Variants in DYNC1I1 observed in about 807,000 individuals in gnomAD.
The protein encoded by DYNC1I1 is cytoplasmic dynein 1 intermediate chain 1.
A neutral mutation model predicts 86.6 loss-of-function variants in DYNC1I1; 43 were observed. That is an observed-to-expected ratio of 0.50 (90% CI 0.39 to 0.64). DYNC1I1 has a LOEUF of 0.64. Among genes scored for constraint, DYNC1I1 ranks in the 30% least tolerant of loss-of-function variants. The pLI is 0.00. For missense variants in DYNC1I1, 604 were observed against 788.8 expected (o/e 0.77, Z 2.81); for synonymous variants, 262 against 283.7 (o/e 0.92, Z 0.77).
At chr7:95,858,278 G>A (rs924248711) in intron 5 of DYNC1I1, among the ~76,000 whole-genome samples, 1 of 152,114 alleles carries the variant, frequency 6.6e-6, no homozygotes, top group Non-Finnish European at 1.5e-5. Flanking sequence ...ATTAGCAGTG[G>A]ATTTTGTATG....
chr7:95,918,793 A>T (rs1349236807), intron 6 of DYNC1I1, among the ~76,000 whole-genome samples: 1 of 152,224 alleles, frequency 6.6e-6, no homozygotes, highest in Non-Finnish European at 1.5e-5. Flanking sequence ...TTGTTAGAAC[A>T]CAGTTTTGTT....
intron 6 of DYNC1I1, among the ~76,000 whole-genome samples, chr7:95,947,432 C>T (rs1792432729): frequency 6.6e-6 from 1 of 152,134 alleles, no homozygotes; most frequent in African/African-American, 2.4e-5. Context: ...ATTTCATGAA[C>T]CACTTTATGA....
At chr7:96,061,965 C>G (rs1418879664) in intron 14 of DYNC1I1, among the ~76,000 whole-genome samples, 1 of 152,060 alleles carries the variant, frequency 6.6e-6, no homozygotes, top group East Asian at 1.9e-4. Flanking sequence ...TTTTGTTTGT[C>G]CTATAAGAGT....
intron 14 of DYNC1I1, among the ~76,000 whole-genome samples, chr7:96,060,415 G>A (rs1290088328): frequency 1.3e-5 from 2 of 152,038 alleles, no homozygotes; most frequent in African/African-American, 4.8e-5. Flanking sequence ...TAAAATAAAT[G>A]TTTCCATTAG....
rs1794872908 is a variant in DYNC1I1, at chr7:95,813,328, C to T, written c.305C>T (p.Pro102Leu). The T allele has an allele frequency of 3.7e-6, 6 of 1,608,938 alleles. No individual in the cohort carries two copies. The highest frequency in any genetic ancestry group is 5.1e-6 in the Non-Finnish European group (6 of 1,178,478). Residue 102 changes from proline (P) to leucine (L), a missense_variant, in exon 4 of 17, where the codon CCA becomes CTA. Coordinates refer to ENST00000447467, the MANE Select transcript of DYNC1I1 (RefSeq NM_001135556.2). ...AGCCAAGACTCAGGCGATCTGGGGC[C>T]ATTAACAAGGTAAGAATTGTCCCTT... is the stretch of plus-strand genomic sequence containing the variant. ...AGSQDSGDLG[P>L]LTRTLQWDTD...
rs1162879929 is a variant in DYNC1I1, at chr7:96,039,420, A to C, written c.1508A>C (p.Lys503Thr). The C allele has an allele frequency of 6.2e-7, 1 of 1,613,872 alleles. No individual in the cohort carries two copies. The highest frequency in any genetic ancestry group is 8.5e-7 in the Non-Finnish European group (1 of 1,179,938). ...TGGACTGTCAAACTGTGGACCACCA[A>C]GGTAAGAATATCTTGACTGAAATTC... ...FDWTVKLWTT[K>T]HNKPLYSFED... Residue 503 changes from lysine to threonine, a missense_variant and splice_region_variant, in exon 14 of 17, where the codon AAG becomes ACG. Physicochemically the swap from Lys to Thr is moderately conservative, Grantham distance 78. Coordinates refer to ENST00000447467, the MANE Select transcript of DYNC1I1 (RefSeq NM_001135556.2).
chr7:95,956,507 A>G (rs914392326), intron 6 of DYNC1I1, among the ~76,000 whole-genome samples: 4 of 149,964 alleles, frequency 2.7e-5, no homozygotes, highest in African/African-American at 9.8e-5. Context: ...TACATTAGTT[A>G]TTTCTCCTAA....
At chr7:95,822,793 C>T (rs1795105680) in intron 4 of DYNC1I1, among the ~76,000 whole-genome samples, 1 of 152,158 alleles carries the variant, frequency 6.6e-6, no homozygotes, top group African/African-American at 2.4e-5. Context: ...CAGGATGGTT[C>T]CCCAGCGGGG....
At chr7:95,936,001 G>A (rs1792030794) in intron 6 of DYNC1I1, among the ~76,000 whole-genome samples, 1 of 151,946 alleles carries the variant, frequency 6.6e-6, no homozygotes, top group Admixed American at 6.6e-5. Flanking sequence ...CTTAGCTGAA[G>A]TATACAGTAA....
chr7:95,937,226 A>G (rs1792069540), intron 6 of DYNC1I1, among the ~76,000 whole-genome samples: 1 of 151,984 alleles, frequency 6.6e-6, no homozygotes, highest in Non-Finnish European at 1.5e-5. Context: ...AGGGTGGATT[A>G]GTTCTAGAGC....
intron 16 of DYNC1I1, among the ~76,000 whole-genome samples, chr7:96,106,225 C>T (rs1051533004): frequency 1.3e-5 from 2 of 151,770 alleles, no homozygotes; most frequent in Non-Finnish European, 1.5e-5. Flanking sequence ...TAATATAGGC[C>T]TTTGAAGTTT....
chr7:96,029,960 A>G (rs962974659), intron 11 of DYNC1I1, among the ~76,000 whole-genome samples: 2 of 150,998 alleles, frequency 1.3e-5, no homozygotes, highest in Admixed American at 1.3e-4. Flanking sequence ...AAACTTGTCC[A>G]CTTTTCGCTT....
At chr7:95,902,621 G>C (rs934324144) in intron 6 of DYNC1I1, among the ~76,000 whole-genome samples, 1 of 152,002 alleles carries the variant, frequency 6.6e-6, no homozygotes, top group Non-Finnish European at 1.5e-5. Context: ...TTATATATTG[G>C]GGAAACCATT....
downstream of DYNC1I1, among the ~76,000 whole-genome samples, chr7:96,100,856 T>C (rs1046451882): frequency 1.3e-5 from 2 of 152,070 alleles, no homozygotes; most frequent in Non-Finnish European, 2.9e-5. Flanking sequence ...TATGTTAGAA[T>C]AGATATATTA....
chr7:95,804,548 G>A (rs1162632706), intron 1 of DYNC1I1, among the ~76,000 whole-genome samples, 173 bp from the exon 2 acceptor site: 1 of 152,098 alleles, frequency 6.6e-6, no homozygotes, highest in East Asian at 1.9e-4. Context: ...CCTTAGACCA[G>A]ATCTAACTTA....
At chr7:95,813,104 T>A (rs1016251771) in intron 3 of DYNC1I1, 143 bp from the exon 4 acceptor site, 15 of 1,408,206 alleles carry the variant, frequency 1.1e-5, no homozygotes, top group Non-Finnish European at 1.4e-5. Flanking sequence ...TTTTTTTTTT[T>A]TTTCTTTATC....
chr7:95,837,322 C>A (rs1246557447), intron 5 of DYNC1I1, among the ~76,000 whole-genome samples: 2 of 151,798 alleles, frequency 1.3e-5, no homozygotes, highest in Admixed American at 6.6e-5. Flanking sequence ...GCAGTCTGCC[C>A]GTTCTCAGAT....
At chr7:95,901,041 C>T (rs1791025180) in intron 6 of DYNC1I1, among the ~76,000 whole-genome samples, 1 of 152,166 alleles carries the variant, frequency 6.6e-6, no homozygotes, top group African/African-American at 2.4e-5. Flanking sequence ...ACAAACATGG[C>T]ATCCTCCTTT....
chr7:95,866,395 C>T (rs1790018683), intron 5 of DYNC1I1, among the ~76,000 whole-genome samples: 1 of 152,150 alleles, frequency 6.6e-6, no homozygotes, highest in Non-Finnish European at 1.5e-5. Flanking sequence ...CATTAGAGAA[C>T]ACGCAGGAAA....
Sources: gnomAD v4.1 joint callset for allele counts (sites outside exome capture counted in the v4.1 genomes callset) on GRCh38, gnomAD v4.1.1 for gene constraint, MANE v1.5 for transcripts, NCBI Gene and HGNC (gene_info 2026-07-23, HGNC 2026-07-21) for gene names.